Variants in CDH26 observed in about 807,000 individuals in gnomAD.
CDH26 encodes cadherin 26, also known as cadherin-like protein 26.
A neutral mutation model predicts 90.3 loss-of-function variants in CDH26; 83 were observed. The ratio of observed to expected loss-of-function variants is 0.92; its 90% CI spans 0.77 to 1.10. CDH26 has a LOEUF of 1.10. Ranked by LOEUF, CDH26 falls within the 50% of genes least tolerant of loss-of-function variation. CDH26 has a pLI of 0.00. For synonymous variants in CDH26, 397 were observed against 396.3 expected, an observed-to-expected ratio of 1.00 and a Z score of -0.02; for missense variants, 1,013 against 1,037.6, an observed-to-expected ratio of 0.98 and a Z score of 0.33.
intron 5 of CDH26, among the ~76,000 whole-genome samples, chr20:59,983,945 G>A (rs2061423982): frequency 6.6e-6 from 1 of 152,044 alleles, no homozygotes; most frequent in Admixed American, 6.6e-5. Context: ...ATCTCCTATG[G>A]TTGAACATTT....
intron 15 of CDH26, chr20:60,001,617 T>A: frequency 1.0e-6 from 1 of 985,336 alleles, no homozygotes; most frequent in South Asian, 4.7e-5. Context: ...TGGCTGCTGT[T>A]TTTAGAGTTG....
chr20:60,033,697 G>T (rs1041254079), exon 9 of CDH26: 64 of 1,293,716 alleles, frequency 4.9e-5, no homozygotes, highest in East Asian at 3.9e-4. Flanking sequence ...CGGTGGAGGG[G>T]CATGGGCCTG....
intron 7 of CDH26, among the ~76,000 whole-genome samples, chr20:60,027,615 C>T (rs2062007814): frequency 6.6e-6 from 1 of 152,156 alleles, no homozygotes; most frequent in African/African-American, 2.4e-5. Flanking sequence ...GTCTTAACTT[C>T]ACCATTCCAT....
chr20:59,972,991 C>T (rs1056149676), intron 4 of CDH26, among the ~76,000 whole-genome samples: 1 of 152,204 alleles, frequency 6.6e-6, no homozygotes, highest in Non-Finnish European at 1.5e-5. Flanking sequence ...AAAGATGACT[C>T]TCTAGGTCTT....
chr20:59,963,734 AG>A (rs2061108787), intron 1 of CDH26, among the ~76,000 whole-genome samples: 1 of 152,102 alleles, frequency 6.6e-6, no homozygotes, highest in African/African-American at 2.4e-5. Context: ...AGAGCCCAGA[AG>A]AGAGATATTG....
chr20:60,011,764 C>T lies in CDH26; in HGVS notation c.2296-763C>T, dbSNP rs562298077. Among the ~76,000 whole-genome samples, 29 of 152,122 alleles carry T rather than the reference C, an allele frequency of 1.9e-4. No homozygotes were observed. In the East Asian group the frequency reaches 2.3e-3, roughly 12 times the overall value. On this transcript the variant is annotated intron_variant, in intron 17 of 17. Transcript: ENST00000348616. ...CACTTGGCGAGCATTGAGGGAGGGA[C>T]GTGGGAGGAGGAGATGTAGGTTGTG...
intron 8 of CDH26, among the ~76,000 whole-genome samples, chr20:59,988,698 G>T (rs1207479316): frequency 6.6e-6 from 1 of 152,052 alleles, no homozygotes; most frequent in Admixed American, 6.5e-5. Flanking sequence ...AGCAGAGGAG[G>T]AGGGAAAAAA....
intron 3 of CDH26, among the ~76,000 whole-genome samples, chr20:59,970,438 G>A (rs1293327629): frequency 6.6e-6 from 1 of 151,730 alleles, no homozygotes; most frequent in Admixed American, 6.6e-5. Context: ...CAGCAACAGG[G>A]TGGTTAATTC....
At chr20:59,995,611 A>C (rs2061582943) in intron 11 of CDH26, among the ~76,000 whole-genome samples, 1 of 152,180 alleles carries the variant, frequency 6.6e-6, no homozygotes, top group Non-Finnish European at 1.5e-5. Flanking sequence ...GTGTTCTGTG[A>C]GTCTTTCTAG....
Position 59,987,506 on chromosome 20 carries a change from G to A in CDH26, c.891G>A (p.Leu297=), listed in dbSNP as rs759506303. ...GRASQGVLRL[L]VQDRDSPFTS... is the part of the protein sequence containing the mutation. ...CCAGCCAGGGCGTGTTGCGTCTCCT[G>A]GTTCAAGATCGAGATTCTCCATTTA... The change falls in exon 8 of 18, where the codon CTG becomes CTA. Residue 297 remains leucine (L), a synonymous_variant. Coordinates refer to ENST00000348616, the MANE Select transcript of CDH26 (RefSeq NM_177980.4). The A allele has an allele frequency of 2.5e-6, 4 of 1,613,740 alleles. No individual in the cohort carries two copies. In the East Asian group the frequency reaches 6.7e-5, roughly 27 times the overall value.
At chr20:59,977,754 A>C (rs1238132600) in intron 4 of CDH26, among the ~76,000 whole-genome samples, 1 of 149,750 alleles carries the variant, frequency 6.7e-6, no homozygotes, top group African/African-American at 2.5e-5. Context: ...CATTTGCTAT[A>C]ATTGTTGAGC....
downstream of CDH26, among the ~76,000 whole-genome samples, chr20:60,019,392 T>C (rs1335509040): frequency 2.6e-5 from 4 of 152,304 alleles, no homozygotes; most frequent in East Asian, 1.9e-4. Flanking sequence ...CTGTAGTCTT[T>C]CTTCATTCTT....
intron 7 of CDH26, chr20:60,031,147 C>G: frequency 1.4e-5 from 14 of 1,030,456 alleles, no homozygotes; most frequent in Non-Finnish European, 1.7e-5. Flanking sequence ...ATGGTGCTGG[C>G]GGGAATGTAG....
intron 3 of CDH26, 151 bp from the exon 4 acceptor site, chr20:59,971,811 T>C: frequency 1.7e-6 from 1 of 604,638 alleles, no homozygotes. Context: ...TGTTCCTGCA[T>C]CTCAGCCCAT....
At chr20:59,978,960 G>T (rs561586725) in intron 4 of CDH26, among the ~76,000 whole-genome samples, 1 of 152,020 alleles carries the variant, frequency 6.6e-6, no homozygotes. Context: ...ACTTGTGTAC[G>T]GTAAAATTTG....
chr20:59,963,455 T>A (rs915430679), intron 1 of CDH26, among the ~76,000 whole-genome samples: 22 of 152,138 alleles, frequency 1.4e-4, no homozygotes, highest in Non-Finnish European at 2.9e-5. Context: ...TTTGCCATAT[T>A]GCCCATAGAA....
chr20:59,986,443 T>C (rs533960454), intron 7 of CDH26, among the ~76,000 whole-genome samples: 2 of 152,320 alleles, frequency 1.3e-5, no homozygotes, highest in African/African-American at 4.8e-5. Context: ...CTATTCTATA[T>C]GTATTTTTAA....
intron 4 of CDH26, among the ~76,000 whole-genome samples, chr20:59,972,766 T>C (rs1023100269): frequency 1.3e-5 from 2 of 152,214 alleles, no homozygotes; most frequent in African/African-American, 4.8e-5. Flanking sequence ...CTGGGCTTGG[T>C]TCTCAGGCGT....
Position 59,994,896 on chromosome 20 carries a change from T to C in CDH26, c.1666+407T>C, listed in dbSNP as rs574553542. Among the ~76,000 whole-genome samples, 105 of 152,306 alleles carry C rather than the reference T, an allele frequency of 6.9e-4. 2 individuals are homozygous for C. The South Asian group carries it at 0.015, about 22-fold the overall frequency. ...GTTCCCAGCCCACACCTGGACCTTG[T>C]TGGGATCTGGGCTCACCCTCTCCTG... On this transcript the variant is annotated intron_variant, in intron 11 of 17. Transcript: ENST00000348616.
Sources: allele counts gnomAD v4.1 joint callset (sites outside exome capture counted in the v4.1 genomes callset), GRCh38; gene constraint gnomAD v4.1.1; transcripts MANE v1.5; gene names NCBI Gene and HGNC (gene_info 2026-07-23, HGNC 2026-07-21).